Variants in RANBP2 observed in about 807,000 individuals in gnomAD.
The protein encoded by RANBP2 is RAN binding protein 2.
A neutral mutation model predicts 303.6 loss-of-function variants in RANBP2; 57 were observed. That is an observed-to-expected ratio of 0.19 (90% CI 0.15 to 0.23). The LOEUF (loss-of-function observed/expected upper bound fraction) is 0.23. Among genes scored for constraint, RANBP2 ranks in the 10% least tolerant of loss-of-function variants. RANBP2 has a pLI of 1.00. For synonymous variants in RANBP2, 1,167 were observed against 1,301.5 expected, an observed-to-expected ratio of 0.90 and a Z score of 2.23; for missense variants, 3,138 against 3,780.8, an observed-to-expected ratio of 0.83 and a Z score of 4.46.
the RANBP2 span, among the ~76,000 whole-genome samples, chr2:109,681,180 A>T: frequency 6.6e-6 from 1 of 152,202 alleles, no homozygotes; most frequent in Non-Finnish European, 1.5e-5. Context: ...TAAAGAATGC[A>T]TACTGGGTGG....
At chr2:109,742,571 C>T in the RANBP2 span, among the ~76,000 whole-genome samples, 1 of 147,586 alleles carries the variant, frequency 6.8e-6, no homozygotes, top group Non-Finnish European at 1.5e-5. Context: ...TAGGAAGATC[C>T]AATATTGTTA....
the RANBP2 span, among the ~76,000 whole-genome samples, chr2:109,314,303 T>G: frequency 1.3e-5 from 2 of 152,194 alleles, no homozygotes; most frequent in African/African-American, 2.4e-5. Context: ...CTTGAAATGG[T>G]TAAACTGATA....
the RANBP2 span, among the ~76,000 whole-genome samples, chr2:109,254,957 C>A: frequency 6.6e-6 from 1 of 152,186 alleles, no homozygotes. Flanking sequence ...GGATATTGAA[C>A]ACCTATGTGG....
the RANBP2 span, among the ~76,000 whole-genome samples, chr2:109,018,231 G>A: frequency 6.6e-6 from 1 of 152,178 alleles, no homozygotes; most frequent in South Asian, 2.1e-4. Flanking sequence ...ACATGATAAG[G>A]AGAAGGTAAC....
chr2:109,077,665 C>T, the RANBP2 span, among the ~76,000 whole-genome samples: 146 of 150,218 alleles, frequency 9.7e-4, 4 homozygotes, highest in East Asian at 0.015. Flanking sequence ...AGATAGTTTT[C>T]GAAAGAGGAC....
At chr2:109,576,367 G>A in the RANBP2 span, among the ~76,000 whole-genome samples, 1 of 151,902 alleles carries the variant, frequency 6.6e-6, no homozygotes, top group Admixed American at 6.6e-5. Context: ...CCAAAGCGCT[G>A]GGATGACAGG....
At chr2:109,436,929 T>A in the RANBP2 span, 1 of 1,613,664 alleles carries the variant, frequency 6.2e-7, no homozygotes, top group South Asian at 1.1e-5. Context: ...CCCGGAATAA[T>A]GTAGTCGGAG....
At chr2:108,794,714 A>G in the RANBP2 span, 1 of 1,609,424 alleles carries the variant, frequency 6.2e-7, no homozygotes, top group Non-Finnish European at 8.5e-7. Context: ...ATACATCTGA[A>G]ATTGCAGGTA....
At chr2:108,788,238 G>C, downstream of RANBP2, 1 of 700,148 alleles carries the variant, frequency 1.4e-6, no homozygotes, top group Admixed American at 3.5e-5. Context: ...GGCCAACATA[G>C]TGAAATCCCG....
the RANBP2 span, among the ~76,000 whole-genome samples, chr2:109,207,314 CTAATT>C: frequency 1.3e-5 from 2 of 152,064 alleles, no homozygotes; most frequent in Non-Finnish European, 2.9e-5. Flanking sequence ...GAATTTGTCT[CTAATT>C]TATGCCAATT....
the RANBP2 span, among the ~76,000 whole-genome samples, chr2:108,858,049 T>TACTCTCAA: frequency 6.6e-6 from 1 of 152,198 alleles, no homozygotes; most frequent in Admixed American, 6.5e-5. Context: ...TTGTCCAGGT[T>TACTCTCAA]ACTCTCAAAT....
At chr2:108,831,700 TCTTCCTTCCTTC>T in the RANBP2 span, among the ~76,000 whole-genome samples, 90 of 145,260 alleles carry the variant, frequency 6.2e-4, no homozygotes, top group Non-Finnish European at 1.1e-3. Flanking sequence ...TGGCACAGAA[TCTTCCTTCCTTC>T]CTTCCTTCCT....
At chr2:109,254,444 A>G in the RANBP2 span, among the ~76,000 whole-genome samples, 1 of 152,152 alleles carries the variant, frequency 6.6e-6, no homozygotes, top group Non-Finnish European at 1.5e-5. Flanking sequence ...TTAATGCTGT[A>G]AAGTACTTAG....
chr2:108,903,498 T>C, the RANBP2 span, among the ~76,000 whole-genome samples: 1 of 152,174 alleles, frequency 6.6e-6, no homozygotes, highest in South Asian at 2.1e-4. Flanking sequence ...TATATGTTAT[T>C]ACATAATTTA....
At chr2:109,075,282 T>C in the RANBP2 span, among the ~76,000 whole-genome samples, 1 of 150,312 alleles carries the variant, frequency 6.7e-6, no homozygotes, top group Non-Finnish European at 1.5e-5. Context: ...TGGAGTGCAA[T>C]GGCACAATCT....
At chr2:109,402,448 A>T in the RANBP2 span, among the ~76,000 whole-genome samples, 1 of 152,246 alleles carries the variant, frequency 6.6e-6, no homozygotes, top group African/African-American at 2.4e-5. Flanking sequence ...TCATGGGCTC[A>T]TCCACAAACA....
the RANBP2 span, among the ~76,000 whole-genome samples, chr2:108,899,585 G>T: frequency 6.6e-6 from 1 of 152,178 alleles, no homozygotes; most frequent in Non-Finnish European, 1.5e-5. Context: ...AATTTATGTG[G>T]TTCTAAATAT....
chr2:108,981,432 A>T, the RANBP2 span, among the ~76,000 whole-genome samples: 1 of 152,178 alleles, frequency 6.6e-6, no homozygotes, highest in African/African-American at 2.4e-5. Flanking sequence ...CTATTGTGAG[A>T]AGAATGGCTG....
At chr2:109,687,226 G>T in the RANBP2 span, among the ~76,000 whole-genome samples, 1 of 152,112 alleles carries the variant, frequency 6.6e-6, no homozygotes, top group Non-Finnish European at 1.5e-5. Flanking sequence ...CAATTAAGTG[G>T]CTCATTCAGT....
Sources: gnomAD v4.1 joint callset for allele counts (sites outside exome capture counted in the v4.1 genomes callset) on GRCh38, gnomAD v4.1.1 for gene constraint, MANE v1.5 for transcripts, NCBI Gene and HGNC (gene_info 2026-07-23, HGNC 2026-07-21) for gene names.